Variants in FER observed in about 807,000 individuals in gnomAD.
FER encodes tyrosine-protein kinase Fer.
In FER, 63 loss-of-function variants were observed where a neutral mutation model predicts 111.0. The ratio of observed to expected loss-of-function variants is 0.57; its 90% CI spans 0.46 to 0.70. The LOEUF (loss-of-function observed/expected upper bound fraction) is 0.70, where lower values mean the gene tolerates loss of function less well. Among genes scored for constraint, FER ranks in the 30% least tolerant of loss-of-function variants. The pLI is 0.00. For synonymous variants in FER, 327 were observed against 313.9 expected (o/e 1.04, Z -0.44); for missense variants, 914 against 954.0 (o/e 0.96, Z 0.55).
At chr5:108,899,447 T>G (rs1223867196) in intron 10 of FER, among the ~76,000 whole-genome samples, 1 of 152,178 alleles carries the variant, frequency 6.6e-6, no homozygotes, top group Non-Finnish European at 1.5e-5. Context: ...GTAAATCTTT[T>G]GTTCACTGAG....
intron 17 of FER, among the ~76,000 whole-genome samples, chr5:109,135,052 G>C (rs1752745933): frequency 6.6e-6 from 1 of 152,144 alleles, no homozygotes; most frequent in Non-Finnish European, 1.5e-5. Flanking sequence ...CCCAGGTAAA[G>C]AAAGATAGGA....
intron 1 of FER, among the ~76,000 whole-genome samples, chr5:108,749,757 A>G (rs532497182): frequency 6.6e-6 from 1 of 152,226 alleles, no homozygotes; most frequent in Admixed American, 6.5e-5. Flanking sequence ...GCCAGTTAGA[A>G]TTGGGGAGAT....
chr5:108,894,759 G>A (rs745644422), intron 9 of FER: 6 of 183,508 alleles, frequency 3.3e-5, no homozygotes, highest in Non-Finnish European at 5.8e-5. Flanking sequence ...AGCAAGACAC[G>A]TCTTACATGG....
intron 18 of FER, 65 bp downstream of exon 18, chr5:109,180,966 A>C: frequency 7.1e-7 from 1 of 1,410,514 alleles, no homozygotes. Context: ...AAACATTCAC[A>C]AGCAATATTT....
chr5:109,022,677 C>T (rs1003482624), intron 13 of FER, among the ~76,000 whole-genome samples: 1 of 152,012 alleles, frequency 6.6e-6, no homozygotes, highest in Non-Finnish European at 1.5e-5. Flanking sequence ...GATAAAGTTT[C>T]TCTGAGGAGA....
intron 13 of FER, among the ~76,000 whole-genome samples, chr5:108,976,603 C>T (rs982102951): frequency 1.3e-5 from 2 of 152,092 alleles, no homozygotes; most frequent in Non-Finnish European, 2.9e-5. Flanking sequence ...CTACTAATAG[C>T]CTACTGTTGA....
chr5:108,979,131 A>C (rs1301334885), intron 13 of FER, among the ~76,000 whole-genome samples: 5 of 152,138 alleles, frequency 3.3e-5, no homozygotes, highest in Non-Finnish European at 7.4e-5. Flanking sequence ...TTGCATTTCC[A>C]TTATTTACCC....
At chr5:108,803,165 G>A (rs1293515971) in intron 3 of FER, among the ~76,000 whole-genome samples, 1 of 152,030 alleles carries the variant, frequency 6.6e-6, no homozygotes, top group African/African-American at 2.4e-5. Context: ...ATCTATTAAT[G>A]TCCTATGCCC....
intron 17 of FER, among the ~76,000 whole-genome samples, chr5:109,169,143 C>T (rs1040742519): frequency 6.6e-6 from 1 of 152,088 alleles, no homozygotes. Flanking sequence ...CATGGAAGGA[C>T]ATTGGGTGAA....
rs569619556 is a variant in FER, at chr5:109,063,412, C to G, written c.1924+16214C>G. On this transcript the variant is annotated intron_variant, in intron 16 of 19. Coordinates refer to ENST00000281092, the MANE Select transcript of FER (RefSeq NM_005246.4). ...GGTAACAAATCCCAGCATTTGGAGT[C>G]TAGATACTTGCCTGGCATTTGTGTC... Among the ~76,000 whole-genome samples, 15 of 152,246 alleles carry G rather than the reference C, an allele frequency of 9.9e-5. No individual in the cohort carries two copies. In the South Asian group the frequency reaches 3.1e-3, roughly 32 times the overall value.
intron 3 of FER, 59 bp from the exon 4 acceptor site, chr5:108,832,711 G>T: frequency 7.9e-7 from 1 of 1,266,932 alleles, no homozygotes; most frequent in Non-Finnish European, 1.0e-6. Context: ...AACTCTTAAA[G>T]CACAGCTAAA....
intron 11 of FER, among the ~76,000 whole-genome samples, chr5:108,950,725 A>G (rs1338682348): frequency 1.3e-5 from 2 of 152,166 alleles, no homozygotes; most frequent in African/African-American, 4.8e-5. Context: ...TTCATTTTAT[A>G]TTAAACATTT....
intron 9 of FER, chr5:108,894,600 T>C: frequency 2.6e-6 from 1 of 378,454 alleles, no homozygotes; most frequent in Non-Finnish European, 5.2e-6. Context: ...ATGCTTGCCC[T>C]CAAGGGACTT....
intron 11 of FER, among the ~76,000 whole-genome samples, chr5:108,953,533 G>GTTTTC (rs560665020): frequency 2.4e-4 from 36 of 151,896 alleles, no homozygotes; most frequent in Non-Finnish European, 4.3e-4. Context: ...GTTTTGTTTT[G>GTTTTC]TTCTTTTAAC....
At chr5:108,758,234 T>C (rs1751332826) in intron 1 of FER, among the ~76,000 whole-genome samples, 1 of 152,186 alleles carries the variant, frequency 6.6e-6, no homozygotes, top group Non-Finnish European at 1.5e-5. Context: ...GTACAGATAT[T>C]ATAAAGCATA....
At chr5:109,115,166 T>C (rs1438303075) in intron 17 of FER, among the ~76,000 whole-genome samples, 1 of 152,172 alleles carries the variant, frequency 6.6e-6, no homozygotes, top group Non-Finnish European at 1.5e-5. Flanking sequence ...TGCTTGTTGC[T>C]AATGAAGAGT....
intron 13 of FER, among the ~76,000 whole-genome samples, chr5:109,027,156 A>T (rs1768867108): frequency 6.6e-6 from 1 of 152,086 alleles, no homozygotes; most frequent in Admixed American, 6.5e-5. Flanking sequence ...AAACTATTAC[A>T]CTGGATGATT....
intron 16 of FER, among the ~76,000 whole-genome samples, chr5:109,073,823 A>G (rs985531535): frequency 1.3e-5 from 2 of 152,304 alleles, no homozygotes; most frequent in South Asian, 4.1e-4. Context: ...TTCAAACTCA[A>G]GTTGTTCAAG....
intron 18 of FER, 79 bp from the exon 19 acceptor site, chr5:109,186,119 GAC>G: frequency 7.6e-6 from 12 of 1,584,336 alleles, no homozygotes; most frequent in Non-Finnish European, 1.0e-5. Context: ...GTGCATGACT[GAC>G]ACAGACATAC....
Sources: gnomAD v4.1 joint callset for allele counts (sites outside exome capture counted in the v4.1 genomes callset) on GRCh38, gnomAD v4.1.1 for gene constraint, MANE v1.5 for transcripts, NCBI Gene and HGNC (gene_info 2026-07-23, HGNC 2026-07-21) for gene names.